The following ROBO2 variants were observed in gnomAD, a reference collection of about 807,000 sequenced individuals.
ROBO2 encodes roundabout guidance receptor 2, also known as roundabout homolog 2.
ROBO2 carries 53 observed loss-of-function variants against 160.8 expected under a neutral mutation model. The ratio of observed to expected loss-of-function variants is 0.33; its 90% CI spans 0.26 to 0.41. The LOEUF (loss-of-function observed/expected upper bound fraction) is 0.41, where lower values mean the gene tolerates loss of function less well. Among genes scored for constraint, ROBO2 ranks in the 10% least tolerant of loss-of-function variants. The probability of loss-of-function intolerance (pLI) is 1.00; values close to 1 mark genes in which losing one functional copy is unlikely to be tolerated. For missense variants in ROBO2, 1,577 were observed against 1,722.4 expected, an observed-to-expected ratio of 0.92 and a Z score of 1.49; for synonymous variants, 664 against 611.7, an observed-to-expected ratio of 1.09 and a Z score of -1.26.
At chr3:76,844,090 C>T (rs889974901) in intron 2 of ROBO2, among the ~76,000 whole-genome samples, 7 of 151,912 alleles carry the variant, frequency 4.6e-5, no homozygotes, top group Non-Finnish European at 1.0e-4. Context: ...TGCTAAGGGA[C>T]GTTGGCATCT....
chr3:77,039,424 G>A (rs1343208407), upstream of ROBO2, among the ~76,000 whole-genome samples: 1 of 152,182 alleles, frequency 6.6e-6, no homozygotes, highest in Non-Finnish European at 1.5e-5. Context: ...GCAGACGGAG[G>A]GATGAATAAT....
chr3:76,042,968 T>C (rs766271362), intron 2 of ROBO2, among the ~76,000 whole-genome samples: 2 of 152,010 alleles, frequency 1.3e-5, no homozygotes, highest in Non-Finnish European at 2.9e-5. Flanking sequence ...TGCTCCCCGC[T>C]GAATAAAGCC....
intron 6 of ROBO2, among the ~76,000 whole-genome samples, chr3:77,532,556 G>T (rs1371527030): frequency 6.6e-6 from 1 of 151,184 alleles, no homozygotes; most frequent in Non-Finnish European, 1.5e-5. Flanking sequence ...TTTCTTCTTA[G>T]TTATATTGGC....
intron 2 of ROBO2, among the ~76,000 whole-genome samples, chr3:76,680,572 G>C (rs1385215226): frequency 2.0e-5 from 3 of 152,042 alleles, no homozygotes; most frequent in African/African-American, 7.2e-5. Flanking sequence ...CAGGTAATTT[G>C]AGTTGCTCCT....
intron 2 of ROBO2, among the ~76,000 whole-genome samples, chr3:76,617,148 T>G (rs1488502250): frequency 6.6e-6 from 1 of 152,102 alleles, no homozygotes; most frequent in Non-Finnish European, 1.5e-5. Flanking sequence ...GCCCCAGGTA[T>G]GAAAAGATAC....
chr3:76,092,901 G>A (rs1325196385), intron 2 of ROBO2, among the ~76,000 whole-genome samples: 2 of 152,086 alleles, frequency 1.3e-5, no homozygotes, highest in African/African-American at 4.8e-5. Flanking sequence ...TAGAAATCAC[G>A]GAAGACATTC....
intron 2 of ROBO2, among the ~76,000 whole-genome samples, chr3:76,000,882 A>G (rs139954261): frequency 6.6e-6 from 1 of 152,270 alleles, no homozygotes; most frequent in African/African-American, 2.4e-5. Flanking sequence ...CTTTGTCATT[A>G]TAGCTTATGC....
intron 2 of ROBO2, among the ~76,000 whole-genome samples, chr3:77,369,726 G>A (rs2071461449): frequency 6.6e-6 from 1 of 152,134 alleles, no homozygotes; most frequent in Non-Finnish European, 1.5e-5. Flanking sequence ...GCTGAGTTAG[G>A]GTTTTATGGA....
At chr3:76,905,791 A>G (rs763957790) in intron 2 of ROBO2, among the ~76,000 whole-genome samples, 1 of 152,170 alleles carries the variant, frequency 6.6e-6, no homozygotes, top group Non-Finnish European at 1.5e-5. Context: ...TCATTCAGCC[A>G]TCATTTATGA....
At chr3:77,459,675 G>T (rs2082036069) in intron 2 of ROBO2, among the ~76,000 whole-genome samples, 1 of 152,214 alleles carries the variant, frequency 6.6e-6, no homozygotes, top group Non-Finnish European at 1.5e-5. Flanking sequence ...GGAAACTGAA[G>T]AAGTGATAAG....
intron 6 of ROBO2, among the ~76,000 whole-genome samples, chr3:77,526,171 T>C (rs2091137260): frequency 6.6e-6 from 1 of 151,520 alleles, no homozygotes; most frequent in Admixed American, 6.6e-5. Context: ...ACTGCTACAA[T>C]TGCCTTATTG....
At chr3:76,985,008 G>C (rs1019224760) in intron 2 of ROBO2, among the ~76,000 whole-genome samples, 1 of 152,028 alleles carries the variant, frequency 6.6e-6, no homozygotes, top group Non-Finnish European at 1.5e-5. Flanking sequence ...GAATTGATAT[G>C]AGTAATGTAA....
chr3:77,205,144 A>G (rs994132301), intron 2 of ROBO2, among the ~76,000 whole-genome samples: 2 of 152,106 alleles, frequency 1.3e-5, no homozygotes, highest in Non-Finnish European at 2.9e-5. Context: ...TGGAACCATT[A>G]CCTTTTCACC....
intron 9 of ROBO2, among the ~76,000 whole-genome samples, chr3:77,562,046 T>C (rs967593757): frequency 2.0e-5 from 3 of 151,878 alleles, no homozygotes; most frequent in Non-Finnish European, 2.9e-5. Flanking sequence ...GAGGTTGCAG[T>C]GAGCTGAGAT....
In ROBO2 at chr3:77,639,425, G is replaced by A. The variant is rs541883806; in HGVS notation, c.3934+4382G>A. ...AAAACAAAGGGAAGGGAGTTGAGAA[G>A]TATAGGTGTAGGGAGGAAGTATTTT... On this transcript the variant is annotated intron_variant, in intron 24 of 25. Transcript: ENST00000461745. 2.6e-5 allele frequency among the ~76,000 whole-genome samples: 4 copies of A among 152,282 alleles called. No individual in the cohort carries two copies. The East Asian group carries it at 7.7e-4, about 29-fold the overall frequency.
chr3:76,353,251 CGAGA>C (rs1274423121), intron 2 of ROBO2, among the ~76,000 whole-genome samples: 1 of 151,836 alleles, frequency 6.6e-6, no homozygotes, highest in Non-Finnish European at 1.5e-5. Context: ...AGAGAATGAG[CGAGA>C]GAGTTTTATG....
At chr3:76,212,026 T>G (rs542708904) in intron 2 of ROBO2, among the ~76,000 whole-genome samples, 1 of 152,040 alleles carries the variant, frequency 6.6e-6, no homozygotes, top group African/African-American at 2.4e-5. Context: ...AGAAATACAT[T>G]TATGCATTTC....
intron 2 of ROBO2, among the ~76,000 whole-genome samples, chr3:76,802,969 C>A (rs966153511): frequency 6.6e-6 from 1 of 152,016 alleles, no homozygotes; most frequent in Non-Finnish European, 1.5e-5. Flanking sequence ...TAGTTGTTTT[C>A]TTTATTGTCT....
chr3:76,707,378 C>T (rs1226336679), intron 2 of ROBO2, among the ~76,000 whole-genome samples: 1 of 152,042 alleles, frequency 6.6e-6, no homozygotes, highest in Non-Finnish European at 1.5e-5. Context: ...ACAGGTGATG[C>T]TTTACATTAC....
Sources: gnomAD v4.1 joint callset for allele counts (sites outside exome capture counted in the v4.1 genomes callset) on GRCh38, gnomAD v4.1.1 for gene constraint, MANE v1.5 for transcripts, NCBI Gene and HGNC (gene_info 2026-07-23, HGNC 2026-07-21) for gene names.